Variants in SEMA6D observed in about 807,000 individuals in gnomAD.
SEMA6D encodes the protein semaphorin 6D, also known as semaphorin-6D.
In SEMA6D, 35 loss-of-function variants were observed where a neutral mutation model predicts 106.6. That is an observed-to-expected ratio of 0.33 (90% confidence interval 0.25 to 0.44). The LOEUF (loss-of-function observed/expected upper bound fraction) is 0.44. Among genes scored for constraint, SEMA6D ranks in the 20% least tolerant of loss-of-function variants. SEMA6D has a pLI of 1.00. For synonymous variants in SEMA6D, 499 were observed against 487.7 expected, an observed-to-expected ratio of 1.02 and a Z score of -0.31; for missense variants, 1,185 against 1,345.9, an observed-to-expected ratio of 0.88 and a Z score of 1.87.
intron 1 of SEMA6D, among the ~76,000 whole-genome samples, chr15:47,205,167 A>G (rs1894972668): frequency 6.6e-6 from 1 of 152,178 alleles, no homozygotes; most frequent in African/African-American, 2.4e-5. Context: ...CCTGGATTAC[A>G]AAACCAGTTC....
At chr15:47,271,612 T>C (rs2034566787) in intron 1 of SEMA6D, among the ~76,000 whole-genome samples, 1 of 152,288 alleles carries the variant, frequency 6.6e-6, no homozygotes, top group Middle Eastern at 3.4e-3. Flanking sequence ...CAGAAACAAC[T>C]CTTGTTGGTG....
intron 1 of SEMA6D, among the ~76,000 whole-genome samples, chr15:47,270,140 G>A (rs1170943163): frequency 1.4e-5 from 2 of 147,214 alleles, no homozygotes; most frequent in Non-Finnish European, 3.0e-5. Context: ...ATATATATTT[G>A]TATATAATAA....
intron 1 of SEMA6D, among the ~76,000 whole-genome samples, chr15:47,384,814 G>GTTTTTTTTTTTTTTTTTTTTTTT (rs1168068495): frequency 1.5e-5 from 1 of 65,694 alleles, no homozygotes; most frequent in African/African-American, 5.3e-5. Context: ...GATTACTAAA[G>GTTTTTTTTTTTTTTTTTTTTTTT]TTTTTTTTTT....
intron 2 of SEMA6D, among the ~76,000 whole-genome samples, chr15:47,446,030 T>G (rs1249954574): frequency 6.6e-6 from 1 of 152,166 alleles, no homozygotes; most frequent in Non-Finnish European, 1.5e-5. Context: ...TGTGTAATCC[T>G]TGTGCAAAAT....
At chr15:47,630,934 C>G (rs1338608849) in intron 4 of SEMA6D, among the ~76,000 whole-genome samples, 2 of 151,742 alleles carry the variant, frequency 1.3e-5, no homozygotes, top group East Asian at 3.9e-4. Flanking sequence ...GTCTTGCATA[C>G]CTGGAATAAA....
intron 3 of SEMA6D, among the ~76,000 whole-genome samples, chr15:47,477,626 C>T (rs1338084953): frequency 6.6e-6 from 1 of 152,092 alleles, no homozygotes; most frequent in Non-Finnish European, 1.5e-5. Flanking sequence ...ATGCAACTAT[C>T]TAAACCAGCC....
chr15:47,473,914 C>T (rs760549560), intron 3 of SEMA6D, among the ~76,000 whole-genome samples: 2 of 151,858 alleles, frequency 1.3e-5, no homozygotes, highest in Non-Finnish European at 2.9e-5. Flanking sequence ...CTGGCTCTTA[C>T]ATGGGGCAAG....
intron 2 of SEMA6D, among the ~76,000 whole-genome samples, chr15:47,466,088 AT>A (rs1282028706): frequency 6.6e-6 from 1 of 152,202 alleles, no homozygotes; most frequent in African/African-American, 2.4e-5. Context: ...ATGTACATAT[AT>A]ATTGTGAAAT....
At chr15:47,531,082 A>G (rs2044944860) in intron 3 of SEMA6D, among the ~76,000 whole-genome samples, 1 of 152,240 alleles carries the variant, frequency 6.6e-6, no homozygotes. Context: ...ATGACAGTCT[A>G]TCCAATTTGC....
At chr15:47,667,485 C>T (rs1169241782) in intron 4 of SEMA6D, among the ~76,000 whole-genome samples, 2 of 152,314 alleles carry the variant, frequency 1.3e-5, no homozygotes, top group South Asian at 4.1e-4. Context: ...ATCCCCTCTG[C>T]GGTATTCCCA....
At chr15:47,432,961 A>G (rs2041586642) in intron 2 of SEMA6D, among the ~76,000 whole-genome samples, 1 of 152,132 alleles carries the variant, frequency 6.6e-6, no homozygotes, top group African/African-American at 2.4e-5. Flanking sequence ...AGATTGGGTA[A>G]AATGATTTTA....
chr15:47,572,340 AT>A (rs1566900653), intron 3 of SEMA6D, among the ~76,000 whole-genome samples: 1 of 152,156 alleles, frequency 6.6e-6, no homozygotes, highest in East Asian at 1.9e-4. Context: ...AGTCTTTGTG[AT>A]TTTTTTGAAT....
At chr15:47,488,458 C>T (rs1473568621) in intron 3 of SEMA6D, among the ~76,000 whole-genome samples, 5 of 149,690 alleles carry the variant, frequency 3.3e-5, no homozygotes, top group Non-Finnish European at 7.4e-5. Flanking sequence ...TCAAAGCATA[C>T]AGTTAGATCT....
chr15:47,504,206 C>T (rs1238965426), intron 3 of SEMA6D, among the ~76,000 whole-genome samples: 6 of 152,324 alleles, frequency 3.9e-5, no homozygotes, highest in Admixed American at 3.9e-4. Context: ...TTTATCCTCT[C>T]TGCAACTGCT....
At chr15:47,582,359 C>A (rs1285077429) in intron 3 of SEMA6D, among the ~76,000 whole-genome samples, 7 of 152,188 alleles carry the variant, frequency 4.6e-5, no homozygotes, top group East Asian at 1.9e-4. Context: ...TGTAGAATTT[C>A]TTTTCTTAGA....
intron 3 of SEMA6D, among the ~76,000 whole-genome samples, chr15:47,539,091 TAGAA>T (rs2045273582): frequency 6.6e-6 from 1 of 152,230 alleles, no homozygotes; most frequent in Non-Finnish European, 1.5e-5. Flanking sequence ...GACAAGGTGT[TAGAA>T]AGCATATTGC....
intron 4 of SEMA6D, among the ~76,000 whole-genome samples, chr15:47,629,927 C>A (rs778210353): frequency 6.6e-6 from 1 of 151,912 alleles, no homozygotes; most frequent in Non-Finnish European, 1.5e-5. Flanking sequence ...ATGTATACCA[C>A]ATTTTCTTTA....
chr15:47,532,024 G>A (rs72733857), intron 3 of SEMA6D, among the ~76,000 whole-genome samples: 19,163 of 152,038 alleles, frequency 0.13, 2,104 homozygotes, highest in African/African-American at 0.3. Flanking sequence ...ATACACTCCA[G>A]CCCCACTCCC....
At chr15:47,465,886 A>G (rs547959164) in intron 2 of SEMA6D, among the ~76,000 whole-genome samples, 1 of 139,350 alleles carries the variant, frequency 7.2e-6, no homozygotes, top group Non-Finnish European at 1.6e-5. Context: ...GGTCTTGCCA[A>G]TTCTGCAATA....
Sources: allele counts gnomAD v4.1 joint callset (sites outside exome capture counted in the v4.1 genomes callset), GRCh38; gene constraint gnomAD v4.1.1; transcripts MANE v1.5; gene names NCBI Gene and HGNC (gene_info 2026-07-23, HGNC 2026-07-21).